Variants in LRP1 observed in about 807,000 individuals in gnomAD.
LRP1 encodes the protein LDL receptor related protein 1.
In LRP1, 51 loss-of-function variants were observed where a neutral mutation model predicts 541.5. The ratio of observed to expected loss-of-function variants is 0.09; its 90% CI spans 0.08 to 0.12. The LOEUF is 0.12. Among genes scored for constraint, LRP1 ranks in the 10% least tolerant of loss-of-function variants. The pLI is 1.00. For synonymous variants in LRP1, 2,219 were observed against 2,470.8 expected, an observed-to-expected ratio of 0.90 and a Z score of 3.02; for missense variants, 3,878 against 6,376.2, an observed-to-expected ratio of 0.61 and a Z score of 13.34.
In LRP1 at chr12:57,184,129, G is replaced by T. The variant is rs769741036; in HGVS notation, c.5974G>T (p.Ala1992Ser). 1.2e-6 allele frequency: 2 copies of T among 1,614,092 alleles called. No homozygotes were observed. Among genetic ancestry groups the T allele is most frequent in the South Asian group, 1.1e-5 (1 of 91,080 alleles). Reference protein sequence around the residue: ...TDQGFDVIEVARLNGSFRYVV... With the variant: ...TDQGFDVIEVSRLNGSFRYVV... ...CCAGGGCTTTGATGTCATCGAGGTC[G>T]CCCGGCTCAATGGCTCCTTCCGCTA... The change falls in exon 37 of 89, where the codon GCC (alanine) becomes TCC (serine). Residue 1992 changes from alanine to serine, a missense_variant. This residue lies in a region of LRP1 where 394 missense variants were observed against 635.9 expected (regional missense o/e 0.62). Transcript: ENST00000243077. The surrounding 1 kb of genome is among the most constrained non-coding windows in gnomAD (Gnocchi z 7.8).
At position 57,145,024 on chromosome 12, in the gene LRP1, A is replaced by C. The variant is rs1449008380; in HGVS notation, c.501A>C (p.Thr167=). 1.9e-6 allele frequency: 3 copies of C among 1,614,162 alleles called. No homozygotes were observed. Among genetic ancestry groups the C allele is most frequent in the Non-Finnish European group, 2.5e-6 (3 of 1,180,044 alleles). Residue 167 remains threonine, a synonymous_variant, in exon 5 of 89, where the codon ACA becomes ACC. Coordinates refer to ENST00000243077, the MANE Select transcript of LRP1 (RefSeq NM_002332.3). The stretch of plus-strand genomic sequence containing the variant: ...CCTGCAGCCAGCTATGCACCAACAC[A>C]GACGGCTCCTTCATATGTGGCTGTG... ...YGTCSQLCTN[T]DGSFICGCVE... is the part of the protein sequence containing the mutation.
Position 57,166,222 on chromosome 12 carries a change from G to C in LRP1, c.2797+13G>C. On this transcript the variant is annotated intron_variant, in intron 17 of 88. Coordinates refer to ENST00000243077, the MANE Select transcript of LRP1 (RefSeq NM_002332.3). Reference sequence around the variant, plus strand: ...GCCACTTGTTCAGGTGTGGAGCGGGGCTCAGATCACACGAGGCACCCCTCA... The same window carrying C: ...GCCACTTGTTCAGGTGTGGAGCGGGCCTCAGATCACACGAGGCACCCCTCA... 6.3e-7 allele frequency: 1 copy of C among 1,593,030 alleles called. No individual in the cohort carries two copies. Among genetic ancestry groups the C allele is most frequent in the Non-Finnish European group, 8.5e-7 (1 of 1,169,916 alleles).
At chr12:57,172,477 G>A (rs1375505902) in intron 20 of LRP1, among the ~76,000 whole-genome samples, 5 of 152,196 alleles carry the variant, frequency 3.3e-5, no homozygotes, top group Non-Finnish European at 7.4e-5. Context: ...CCTGTGTGCT[G>A]TTTTCTGAAG....
chr12:57,173,792 G>A lies in LRP1; in HGVS notation c.3359G>A (p.Ser1120Asn). The A allele has an allele frequency of 6.2e-7, 1 of 1,614,232 alleles. No individual in the cohort carries two copies. The highest frequency in any genetic ancestry group is 8.5e-7 in the Non-Finnish European group (1 of 1,180,026). Reference protein sequence around the residue: ...FGCKDSARCISKAWVCDGDND... With the variant: ...FGCKDSARCINKAWVCDGDND... ...ACCTGTCCCTCAGCTCGGTGCATCA[G>A]CAAAGCGTGGGTGTGTGATGGCGAC... The change falls in exon 22 of 89, where the codon AGC becomes AAC. Residue 1120 changes from serine (S) to asparagine (N), a missense_variant. Ser to Asn is a conservative substitution (Grantham distance 46). This residue lies in a region of LRP1 where 320 missense variants were observed against 547.9 expected (regional missense o/e 0.58). Transcript: ENST00000243077. This position sits in a 1 kb window ranked among gnomAD's most constrained non-coding sequence, Gnocchi z 4.7.
intron 44 of LRP1, among the ~76,000 whole-genome samples, chr12:57,191,941 CCACAT>C (rs2036410638): frequency 1.2e-4 from 1 of 8,506 alleles, no homozygotes; most frequent in Non-Finnish European, 3.0e-4. Context: ...CACACACACA[CCACAT>C]ACACACACCA....
Position 57,179,465 on chromosome 12 carries a change from C to G in LRP1, c.4875C>G (p.Arg1625=), listed in dbSNP as rs768556288. The change falls in exon 29 of 89, where the codon CGC becomes CGG. Residue 1625 remains arginine (R), a synonymous_variant. Transcript: ENST00000243077. This position sits in a 1 kb window ranked among gnomAD's most constrained non-coding sequence, Gnocchi z 6.8. ...TCACAGTGCTAGACTACGATGCCCG[C>G]GAGCAGCGTGTGTACTGGTCTGACG... is the stretch of plus-strand genomic sequence containing the variant. ...DNVTVLDYDA[R]EQRVYWSDVR... 5.6e-6 allele frequency: 9 copies of G among 1,614,140 alleles called. No individual in the cohort carries two copies. The highest frequency in any genetic ancestry group is 7.6e-6 in the Non-Finnish European group (9 of 1,180,052).
chr12:57,149,772 C>G, intron 6 of LRP1: 1 of 710,542 alleles, frequency 1.4e-6, no homozygotes, highest in South Asian at 1.5e-5. Flanking sequence ...AGTCGGGACC[C>G]AGCAGGAAAC....
At chr12:57,150,348 C>A in intron 6 of LRP1, among the ~76,000 whole-genome samples, 1 of 151,994 alleles carries the variant, frequency 6.6e-6, no homozygotes, top group African/African-American at 2.4e-5. Flanking sequence ...CCCGCCACCA[C>A]GCCTGGCTAA....
In LRP1 at chr12:57,179,352, G is replaced by A. The variant is rs201999318; in HGVS notation, c.4762G>A (p.Ala1588Thr). ...CYEFKKFLLY[A>T]RQMEIRGVDL... ...AGAGTTTAAGAAGTTCCTGCTGTAC[G>A]CACGTCAGATGGAGATCCGAGGTGT... Residue 1588 changes from alanine (A) to threonine (T), a missense_variant, in exon 29 of 89, where the codon GCA (alanine) becomes ACA (threonine). By Grantham distance (58) the Ala-to-Thr change is moderately conservative. Coordinates refer to ENST00000243077, the MANE Select transcript of LRP1 (RefSeq NM_002332.3). The surrounding 1 kb of genome is among the most constrained non-coding windows in gnomAD (Gnocchi z 6.8). 80 of 1,613,804 alleles carry A rather than the reference G, an allele frequency of 5.0e-5. No homozygotes were observed. Among genetic ancestry groups the A allele is most frequent in the Non-Finnish European group, 5.7e-5 (67 of 1,179,810 alleles).
Position 57,154,208 on chromosome 12 carries a change from A to T in LRP1, c.842A>T (p.His281Leu). ...TGGCTCTTTCATTCGTACTCTCCAG[A>T]CGTGGAACAGATGGCCATCGACTGG... ...HTINISLSLH[H>L]VEQMAIDWLT... is the part of the protein sequence containing the mutation. Residue 281 changes from histidine (H) to leucine (L), a missense_variant and splice_region_variant, in exon 7 of 89, where the codon CAC (histidine) becomes CTC (leucine). By Grantham distance (99) the His-to-Leu change is moderately conservative (BLOSUM62 -3). Coordinates refer to ENST00000243077, the MANE Select transcript of LRP1 (RefSeq NM_002332.3). The surrounding 1 kb of genome is among the most constrained non-coding windows in gnomAD (Gnocchi z 4.6). 6.2e-7 allele frequency: 1 copy of T among 1,613,694 alleles called. No individual in the cohort carries two copies. The highest frequency in any genetic ancestry group is 8.5e-7 in the Non-Finnish European group (1 of 1,179,682).
intron 41 of LRP1, among the ~76,000 whole-genome samples, chr12:57,186,827 G>T (rs2036280537): frequency 6.6e-6 from 1 of 152,230 alleles, no homozygotes; most frequent in Non-Finnish European, 1.5e-5. Flanking sequence ...GTTCGGCTGT[G>T]TCTCTCACTG....
intron 42 of LRP1, among the ~76,000 whole-genome samples, chr12:57,190,484 G>T (rs1021357387): frequency 6.6e-6 from 1 of 152,246 alleles, no homozygotes; most frequent in East Asian, 1.9e-4. Context: ...GGGTGGTGGA[G>T]CCAGGGCTGG....
At chr12:57,207,360 C>T (rs899247348) in intron 76 of LRP1, among the ~76,000 whole-genome samples, 7 of 150,754 alleles carry the variant, frequency 4.6e-5, no homozygotes, top group Non-Finnish European at 1.0e-4. Flanking sequence ...ATTAGCCAGG[C>T]GTGGTGGCGG....
rs2036340556 is a variant in LRP1 at position 57,189,814 on chromosome 12, C to CTA, written c.7032-990_7032-989dup. 6.6e-6 allele frequency among the ~76,000 whole-genome samples: 1 copy of CTA among 152,094 alleles called. No homozygotes were observed. The highest frequency in any genetic ancestry group is 2.4e-5 in the African/African-American group (1 of 41,396). On this transcript the variant is annotated intron_variant, in intron 42 of 88. Coordinates refer to ENST00000243077, the MANE Select transcript of LRP1 (RefSeq NM_002332.3). The surrounding 1 kb of genome is among the most constrained non-coding windows in gnomAD (Gnocchi z 4.4). ...AGACTCCACTGTGCCTAAGGATCGCCTAGGAGCAAGAGAATGTGGAGTCCC... is the reference window on the plus strand; with the variant it reads ...AGACTCCACTGTGCCTAAGGATCGCCTATAGGAGCAAGAGAATGTGGAGTCCC...
At position 57,209,110 on chromosome 12, in the gene LRP1, G is replaced by A. The variant is rs764436555; in HGVS notation, c.12173G>A (p.Arg4058Gln). The A allele has an allele frequency of 6.2e-6, 10 of 1,613,750 alleles. No homozygotes were observed. The Admixed American group carries it at 1.0e-4, about 16-fold the overall frequency. ...TGLAVDYHNE[R>Q]LYWADAKLSV... ...CTGGCCGTGGATTATCACAATGAGC[G>A]GCTGTACTGGGCAGACGCCAAGCTT... Residue 4058 changes from arginine (R) to glutamine (Q), a missense_variant, in exon 79 of 89, where the codon CGG becomes CAG. Arg to Gln is a conservative substitution (Grantham distance 43). Transcript: ENST00000243077.
chr12:57,182,204 G>A (rs2036179062), intron 34 of LRP1, among the ~76,000 whole-genome samples: 1 of 152,108 alleles, frequency 6.6e-6, no homozygotes, highest in African/African-American at 2.4e-5. Context: ...CATGGGTAGT[G>A]GTGCCTCAAG....
intron 6 of LRP1, among the ~76,000 whole-genome samples, chr12:57,148,608 T>G (rs545298388): frequency 6.6e-6 from 1 of 152,258 alleles, no homozygotes; most frequent in Admixed American, 6.5e-5. Context: ...CTGATCTGTA[T>G]TCCCTTCACC....
intron 60 of LRP1, 56 bp from the exon 61 acceptor site, chr12:57,199,156 G>T: frequency 6.4e-7 from 1 of 1,559,336 alleles, no homozygotes; most frequent in South Asian, 1.1e-5. Flanking sequence ...GGAGTGGGCC[G>T]GCACCCTGTC....
rs201022963 is a variant in LRP1, at chr12:57,204,522, G to A, written c.11064G>A (p.Glu3688=). The A allele has an allele frequency of 3.9e-5, 63 of 1,603,430 alleles. No individual in the cohort carries two copies. The highest frequency in any genetic ancestry group is 2.4e-4 in the Admixed American group (14 of 59,372). Reference sequence around the variant, plus strand: ...GGGACAACTCAGATGAGAACCCCGAGGAGTGTGGTGAGATTTGGGGCGGGG... The same window carrying A: ...GGGACAACTCAGATGAGAACCCCGAAGAGTGTGGTGAGATTTGGGGCGGGG... ...DCGDNSDENP[E]ECARFVCPPN... Residue 3688 remains glutamate, a synonymous_variant, in exon 71 of 89, where the codon GAG becomes GAA. Transcript: ENST00000243077. This position sits in a 1 kb window ranked among gnomAD's most constrained non-coding sequence, Gnocchi z 5.3.
Sources: allele counts gnomAD v4.1 joint callset (sites outside exome capture counted in the v4.1 genomes callset), GRCh38; gene constraint gnomAD v4.1.1; regional missense constraint gnomAD v4.1.1; non-coding constraint Gnocchi (gnomAD v3.1); transcripts MANE v1.5; gene names NCBI Gene and HGNC (gene_info 2026-07-23, HGNC 2026-07-21).